Variants in MTAP observed in about 807,000 individuals in gnomAD.
The protein encoded by MTAP is methylthioadenosine phosphorylase.
A neutral mutation model predicts 33.6 loss-of-function variants in MTAP; 33 were observed. That is an observed-to-expected ratio of 0.98 (90% CI 0.74 to 1.31). The LOEUF (loss-of-function observed/expected upper bound fraction) is 1.31. Among genes scored for constraint, MTAP ranks in the 40% most tolerant of loss-of-function variants. MTAP has a pLI of 0.00. For missense variants in MTAP, 367 were observed against 360.0 expected, an observed-to-expected ratio of 1.02 and a Z score of -0.16; for synonymous variants, 148 against 125.7, an observed-to-expected ratio of 1.18 and a Z score of -1.19.
chr9:21,922,252 C>T lies in MTAP; in HGVS notation c.148-8756C>T, dbSNP rs1407338172. Among the ~76,000 whole-genome samples, 1 of 151,610 alleles carries T rather than the reference C, an allele frequency of 6.6e-6. No homozygotes were observed. The highest frequency in any genetic ancestry group is 1.5e-5 in the Non-Finnish European group (1 of 67,960). Reference sequence around the variant, plus strand: ...TCAGTAAATACACTGTGCATGTGGCCGCTCACAAGTGCTGGCAGGCCACTG... The same window carrying T: ...TCAGTAAATACACTGTGCATGTGGCTGCTCACAAGTGCTGGCAGGCCACTG... On this transcript the variant is annotated intron_variant, in intron 1 of 1. Transcript: ENST00000577563. This position sits in a 1 kb window ranked among gnomAD's most constrained non-coding sequence, Gnocchi z 4.8.
At chr9:21,898,999 A>G (rs1818343611) in intron 1 of MTAP, among the ~76,000 whole-genome samples, 1 of 152,094 alleles carries the variant, frequency 6.6e-6, no homozygotes, top group Non-Finnish European at 1.5e-5. Context: ...TCCATCAACA[A>G]TAGACCTGAT....
Position 21,862,233 on chromosome 9 carries a change from A to T in MTAP, c.*219A>T, listed in dbSNP as rs1429817767. On this transcript the variant is annotated 3_prime_UTR_variant, in exon 8 of 8. Coordinates refer to ENST00000644715, the MANE Select transcript of MTAP (RefSeq NM_002451.4). Reference sequence around the variant, plus strand: ...GAAGAAAAGCAAATGACTAGTAAACATGTGGGAAAAAATATTACATTTTAA... The same window carrying T: ...GAAGAAAAGCAAATGACTAGTAAACTTGTGGGAAAAAATATTACATTTTAA... 5.1e-6 allele frequency: 6 copies of T among 1,178,394 alleles called. No homozygotes were observed. The African/African-American group carries it at 7.9e-5, about 16-fold the overall frequency. The allele number at this position is 1,178,394 out of a possible 1,614,324, so 73.0% of individuals were successfully genotyped here. A position where few individuals can be genotyped will look rare whatever the true frequency, so the allele number is the denominator to read the frequency against.
At chr9:21,815,590 TAAAAA>T in intron 2 of MTAP, 71 bp downstream of exon 2, 2 of 757,254 alleles carry the variant, frequency 2.6e-6, no homozygotes, top group Non-Finnish European at 4.2e-6. Flanking sequence ...ATTTTTGAAT[TAAAAA>T]AAAAAAAAAG....
chr9:21,854,392 T>A (rs1563847858), intron 5 of MTAP, among the ~76,000 whole-genome samples: 1 of 152,170 alleles, frequency 6.6e-6, no homozygotes, highest in Non-Finnish European at 1.5e-5. Context: ...CTTGCTTGTG[T>A]AGCTATTAGT....
chr9:21,907,880 A>ATT (rs1400626548), intron 1 of MTAP, among the ~76,000 whole-genome samples: 1 of 152,166 alleles, frequency 6.6e-6, no homozygotes, highest in Non-Finnish European at 1.5e-5. Context: ...GTCTCAAATA[A>ATT]TAGACTGATC....
rs368527103 is a variant in MTAP, at chr9:21,805,305, A to T, written c.33+2524A>T. ...GTTTTGGATTGGCAGTATATTTGGC[A>T]TATCTTTCAAATCTAGCCATCTACT... is the stretch of plus-strand genomic sequence containing the variant. On this transcript the variant is annotated intron_variant, in intron 1 of 7. Transcript: ENST00000644715. 5.3e-5 allele frequency among the ~76,000 whole-genome samples: 8 copies of T among 152,374 alleles called. No individual in the cohort carries two copies. The East Asian group carries it at 7.7e-4, about 15-fold the overall frequency.
intron 7 of MTAP, 49 bp from the exon 8 acceptor site, chr9:21,861,927 A>T (rs1563850881): frequency 9.5e-7 from 1 of 1,050,392 alleles, no homozygotes; most frequent in Non-Finnish European, 1.5e-6. Context: ...CAAACATCTC[A>T]GTAATTACGC....
intron 1 of MTAP, among the ~76,000 whole-genome samples, chr9:21,902,691 T>C (rs1818411460): frequency 6.6e-6 from 1 of 152,248 alleles, no homozygotes; most frequent in Non-Finnish European, 1.5e-5. Context: ...CATCAGGGTT[T>C]TTAATACATC....
At chr9:21,908,222 G>A (rs986149075) in intron 1 of MTAP, among the ~76,000 whole-genome samples, 2 of 152,074 alleles carry the variant, frequency 1.3e-5, no homozygotes, top group African/African-American at 4.8e-5. Flanking sequence ...CATACAGTAT[G>A]TAACATTTTG....
intron 1 of MTAP, among the ~76,000 whole-genome samples, chr9:21,877,739 G>A (rs1587269700): frequency 6.6e-6 from 1 of 152,162 alleles, no homozygotes; most frequent in South Asian, 2.1e-4. Context: ...GCTTTTTGAA[G>A]TGCTGTTGGA....
At chr9:21,902,342 T>C (rs552917592) in intron 1 of MTAP, among the ~76,000 whole-genome samples, 22 of 152,306 alleles carry the variant, frequency 1.4e-4, no homozygotes, top group Admixed American at 2.6e-4. Flanking sequence ...GAGTCTTAAG[T>C]CGCATGCCTA....
rs373958733 is a variant in MTAP at position 21,859,274 on chromosome 9, A to G, written c.691-29A>G. The G allele has an allele frequency of 5.1e-6, 8 of 1,581,992 alleles. No homozygotes were observed. In the African/African-American group the frequency reaches 6.9e-5, roughly 14 times the overall value. ...GACAAGCAGTGGAATTTTAAGTTCT[A>G]GTAACCTCCAGTGCTATTGTTTCTC... is the stretch of plus-strand genomic sequence containing the variant. On this transcript the variant is annotated intron_variant, in intron 6 of 7. Coordinates refer to ENST00000644715, the MANE Select transcript of MTAP (RefSeq NM_002451.4).
chr9:21,807,411 G>A (rs1271575923), intron 1 of MTAP, among the ~76,000 whole-genome samples: 1 of 152,190 alleles, frequency 6.6e-6, no homozygotes, highest in Non-Finnish European at 1.5e-5. Flanking sequence ...ACAACCTGCA[G>A]GCCCCAGTTG....
chr9:21,879,828 A>AT (rs149793082), intron 1 of MTAP, among the ~76,000 whole-genome samples: 1 of 151,858 alleles, frequency 6.6e-6, no homozygotes, highest in African/African-American at 2.4e-5. Context: ...TCAGTGGAAG[A>AT]TTTTTTTTCT....
chr9:21,867,360 C>G (rs1289185175), downstream of MTAP, among the ~76,000 whole-genome samples: 1 of 152,044 alleles, frequency 6.6e-6, no homozygotes, highest in Non-Finnish European at 1.5e-5. Flanking sequence ...CCTTTTATTC[C>G]TATTTTGCCA....
chr9:21,854,160 T>C (rs56166190), intron 5 of MTAP, among the ~76,000 whole-genome samples: 13,803 of 152,240 alleles, frequency 0.091, 826 homozygotes, highest in East Asian at 0.25. Flanking sequence ...GATTCTGTAT[T>C]TTTAAAAGTA....
At chr9:21,805,000 A>C (rs1041606973) in intron 1 of MTAP, among the ~76,000 whole-genome samples, 2 of 152,226 alleles carry the variant, frequency 1.3e-5, no homozygotes, top group African/African-American at 4.8e-5. Context: ...GAGGGTATGC[A>C]GAAAGCAGGC....
intron 4 of MTAP, among the ~76,000 whole-genome samples, chr9:21,829,648 A>G (rs1216437856): frequency 3.3e-5 from 5 of 151,752 alleles, no homozygotes; most frequent in Admixed American, 3.3e-4. Flanking sequence ...AAAAATCCTC[A>G]TCCTAAAGTG....
intron 5 of MTAP, among the ~76,000 whole-genome samples, chr9:21,844,187 G>T (rs560952197): frequency 3.9e-5 from 6 of 152,108 alleles, no homozygotes; most frequent in South Asian, 4.1e-4. Context: ...AGGAAGAAAT[G>T]GAAACCCTAA....
Sources: gnomAD v4.1 joint callset for allele counts (sites outside exome capture counted in the v4.1 genomes callset) on GRCh38, gnomAD v4.1.1 for gene constraint, Gnocchi (gnomAD v3.1) non-coding constraint, MANE v1.5 for transcripts, NCBI Gene and HGNC (gene_info 2026-07-23, HGNC 2026-07-21) for gene names.